Variants in WNT3A observed in about 807,000 individuals in gnomAD.
WNT3A encodes the protein protein Wnt-3a.
Under a neutral mutation model 37.0 loss-of-function variants are expected in WNT3A, and 17 were observed. The observed-to-expected ratio is 0.46, with a 90% CI of 0.31 to 0.69. The LOEUF (loss-of-function observed/expected upper bound fraction) is 0.69, where lower values mean the gene tolerates loss of function less well. Among genes scored for constraint, WNT3A ranks in the 30% least tolerant of loss-of-function variants. WNT3A has a pLI of 0.05. For missense variants in WNT3A, 411 were observed against 510.2 expected (o/e 0.81, Z 1.87); for synonymous variants, 187 against 211.0 (o/e 0.89, Z 0.99).
chr1:228,058,947 G>C (rs1259128832), intron 3 of WNT3A, 39 bp from the exon 4 acceptor site: 2 of 1,564,416 alleles, frequency 1.3e-6, no homozygotes, highest in African/African-American at 2.7e-5. Flanking sequence ...GACGCACCAG[G>C]GGGCCGCCCT....
intron 1 of WNT3A, among the ~76,000 whole-genome samples, chr1:228,018,504 C>T (rs1397492028): frequency 5.3e-5 from 8 of 152,026 alleles, no homozygotes; most frequent in African/African-American, 1.7e-4. Flanking sequence ...GTGATCCTCC[C>T]ACCTCAGCCT....
intron 1 of WNT3A, 107 bp from the exon 2 acceptor site, chr1:228,022,560 T>C (rs751975426): frequency 8.1e-5 from 111 of 1,371,730 alleles, no homozygotes; most frequent in Non-Finnish European, 1.0e-4. Flanking sequence ...GGAAGCTGCG[T>C]CTCGCCCCCC....
Position 228,022,750 on chromosome 1 carries a change from A to T in WNT3A, c.155A>T (p.Gln52Leu). The change falls in exon 2 of 4, where the codon CAG becomes CTG. Residue 52 changes from glutamine (Q) to leucine (L), a missense_variant. By Grantham distance (113) the Gln-to-Leu change is moderately radical. Coordinates refer to ENST00000284523, the MANE Select transcript of WNT3A (RefSeq NM_033131.4). Reference sequence around the variant, plus strand: ...AGCATCCCGGGCCTGGTCCCCAAGCAGCTCCGCTTCTGCAGGAACTACGTG... The same window carrying T: ...AGCATCCCGGGCCTGGTCCCCAAGCTGCTCCGCTTCTGCAGGAACTACGTG... ...CASIPGLVPK[Q>L]LRFCRNYVEI... The T allele has an allele frequency of 6.2e-7, 1 of 1,614,180 alleles. No homozygotes were observed. The highest frequency in any genetic ancestry group is 8.5e-7 in the Non-Finnish European group (1 of 1,180,046).
intron 2 of WNT3A, among the ~76,000 whole-genome samples, chr1:228,028,897 A>C (rs987787197): frequency 6.6e-5 from 10 of 152,164 alleles, no homozygotes; most frequent in African/African-American, 2.2e-4. Context: ...AGGTTTTCAA[A>C]GACCACCCTT....
chr1:228,033,728 A>G (rs2031068352), intron 2 of WNT3A, among the ~76,000 whole-genome samples: 1 of 152,188 alleles, frequency 6.6e-6, no homozygotes, highest in South Asian at 2.1e-4. Context: ...ATTGTGTTGA[A>G]TGTGTAGATC....
intron 2 of WNT3A, among the ~76,000 whole-genome samples, chr1:228,045,479 C>T (rs900524168): frequency 6.6e-6 from 1 of 152,168 alleles, no homozygotes. Context: ...GGAAGCAGGG[C>T]AGATGGCAGG....
At chr1:228,022,986 C>T in intron 2 of WNT3A, 78 bp downstream of exon 2, 3 of 1,535,064 alleles carry the variant, frequency 2.0e-6, no homozygotes, top group East Asian at 2.3e-5. Context: ...CTGACATTCT[C>T]ATCTGTGCAC....
chr1:228,020,441 C>G (rs2030670870), intron 1 of WNT3A, among the ~76,000 whole-genome samples: 1 of 152,238 alleles, frequency 6.6e-6, no homozygotes, highest in South Asian at 2.1e-4. Context: ...GTCCAGGTCA[C>G]AGACAGCTGA....
At chr1:228,043,170 C>A (rs2102775469) in intron 2 of WNT3A, among the ~76,000 whole-genome samples, 1 of 152,338 alleles carries the variant, frequency 6.6e-6, no homozygotes, top group Non-Finnish European at 1.5e-5. Flanking sequence ...GAGACCACAA[C>A]AAGTTTCTGG....
chr1:228,055,231 A>C (rs1410270374), intron 3 of WNT3A, among the ~76,000 whole-genome samples: 6 of 131,238 alleles, frequency 4.6e-5, no homozygotes, highest in East Asian at 2.2e-4. Flanking sequence ...CACACACACA[A>C]TAGATTTGGA....
chr1:228,012,611 C>A (rs1043483511), intron 1 of WNT3A, among the ~76,000 whole-genome samples: 1 of 152,114 alleles, frequency 6.6e-6, no homozygotes, highest in African/African-American at 2.4e-5. Flanking sequence ...TCTAACTTGC[C>A]CCCTTTAAGA....
At chr1:228,032,301 C>G (rs1353861509) in intron 2 of WNT3A, among the ~76,000 whole-genome samples, 8 of 152,202 alleles carry the variant, frequency 5.3e-5, no homozygotes, top group Non-Finnish European at 5.9e-5. Context: ...GCATCACTGT[C>G]TGGATTGGAC....
rs1000655760 is a variant in WNT3A at position 228,008,130 on chromosome 1, A to G, written c.71+931A>G. On this transcript the variant is annotated intron_variant, in intron 1 of 3. Coordinates refer to ENST00000284523, the MANE Select transcript of WNT3A (RefSeq NM_033131.4). The surrounding 1 kb of genome is among the most constrained non-coding windows in gnomAD (Gnocchi z 4.9). ...TGATCCCTCAGAGCCCTCACCAAGC[A>G]AGGATCACCCCAGTTCCGAATTAAG... Among the ~76,000 whole-genome samples the G allele has an allele frequency of 1.3e-5, 2 of 152,154 alleles. No homozygotes were observed. Among genetic ancestry groups the G allele is most frequent in the Non-Finnish European group, 2.9e-5 (2 of 68,030 alleles).
chr1:228,016,801 T>A (rs2030544717), intron 1 of WNT3A, among the ~76,000 whole-genome samples: 2 of 151,956 alleles, frequency 1.3e-5, no homozygotes, highest in South Asian at 4.2e-4. Context: ...GGTACGTGTG[T>A]CACACGCGGG....
intron 2 of WNT3A, among the ~76,000 whole-genome samples, chr1:228,041,582 A>T (rs953242429): frequency 1.1e-4 from 17 of 151,748 alleles, no homozygotes; most frequent in Non-Finnish European, 2.5e-4. Context: ...TCATCCATCT[A>T]TCCACCATCC....
At chr1:228,044,050 C>T (rs887392365) in intron 2 of WNT3A, among the ~76,000 whole-genome samples, 9 of 152,070 alleles carry the variant, frequency 5.9e-5, no homozygotes, top group African/African-American at 1.9e-4. Flanking sequence ...GGTGTGAACA[C>T]GGCTCACTGC....
chr1:228,009,193 G>A (rs1294785060), intron 1 of WNT3A, among the ~76,000 whole-genome samples: 6 of 152,148 alleles, frequency 3.9e-5, no homozygotes, highest in Non-Finnish European at 7.4e-5. Flanking sequence ...CCCCTTGGGG[G>A]AGGCTGGCTC....
At chr1:228,027,374 C>T (rs1348985372) in intron 2 of WNT3A, among the ~76,000 whole-genome samples, 1 of 152,236 alleles carries the variant, frequency 6.6e-6, no homozygotes, top group Admixed American at 6.5e-5. Flanking sequence ...AGTGGTTGAA[C>T]TAATTGACAT....
chr1:228,026,170 C>T (rs2030851690), intron 2 of WNT3A, among the ~76,000 whole-genome samples: 2 of 151,868 alleles, frequency 1.3e-5, no homozygotes, highest in East Asian at 3.9e-4. Context: ...CAACTGTAAC[C>T]CTGCTTAATT....
Sources: allele counts gnomAD v4.1 joint callset (sites outside exome capture counted in the v4.1 genomes callset), GRCh38; gene constraint gnomAD v4.1.1; non-coding constraint Gnocchi (gnomAD v3.1); transcripts MANE v1.5; gene names NCBI Gene and HGNC (gene_info 2026-07-23, HGNC 2026-07-21).